Variants in IQSEC1 observed in about 807,000 individuals in gnomAD.
IQSEC1 encodes the protein IQ motif and SEC7 domain-containing protein 1.
A neutral mutation model predicts 91.0 loss-of-function variants in IQSEC1; 31 were observed. The observed-to-expected ratio is 0.34, with a 90% confidence interval of 0.26 to 0.46. The LOEUF (loss-of-function observed/expected upper bound fraction) is 0.46. Ranked by LOEUF, IQSEC1 falls within the 20% of genes least tolerant of loss-of-function variation. IQSEC1 has a pLI of 1.00. For synonymous variants in IQSEC1, 699 were observed against 662.6 expected, an observed-to-expected ratio of 1.05 and a Z score of -0.84; for missense variants, 1,388 against 1,575.6, an observed-to-expected ratio of 0.88 and a Z score of 2.02.
At chr3:13,149,058 C>T (rs556229480) in intron 2 of IQSEC1, among the ~76,000 whole-genome samples, 2 of 152,342 alleles carry the variant, frequency 1.3e-5, no homozygotes, top group East Asian at 1.9e-4. Context: ...ACCAGCCCCT[C>T]GCCTCCCCTT....
In IQSEC1 at chr3:13,207,003, T is replaced by A. The variant is rs1694356862; in HGVS notation, c.273-42870A>T. On this transcript the variant is annotated intron_variant, in intron 1 of 15. Coordinates refer to the IQSEC1 transcript ENST00000648114. This position sits in a 1 kb window ranked among gnomAD's most constrained non-coding sequence, Gnocchi z 4.8. Reference sequence around the variant, plus strand: ...CTCCCGGCACCTCCCGCCTCCTGGTTAGCCACACCTGGACTGGTCATTTCC... The same window carrying A: ...CTCCCGGCACCTCCCGCCTCCTGGTAAGCCACACCTGGACTGGTCATTTCC... 6.6e-6 allele frequency among the ~76,000 whole-genome samples: 1 copy of A among 152,056 alleles called. No homozygotes were observed. The highest frequency in any genetic ancestry group is 2.4e-5 in the African/African-American group (1 of 41,394).
intron 12 of IQSEC1, among the ~76,000 whole-genome samples, chr3:12,904,193 T>G (rs943349943): frequency 2.6e-5 from 4 of 152,238 alleles, no homozygotes; most frequent in African/African-American, 9.6e-5. Flanking sequence ...GGCTGTGCCT[T>G]GGCATGGCTT....
intron 1 of IQSEC1, among the ~76,000 whole-genome samples, chr3:13,011,759 A>G (rs1234941300): frequency 6.6e-6 from 1 of 152,108 alleles, no homozygotes; most frequent in Non-Finnish European, 1.5e-5. Context: ...GATTTGCTGT[A>G]TTTGCTTCCG....
At chr3:12,918,655 A>G (rs1008771566) in intron 6 of IQSEC1, among the ~76,000 whole-genome samples, 1 of 152,148 alleles carries the variant, frequency 6.6e-6, no homozygotes, top group Admixed American at 6.5e-5. Flanking sequence ...TACCTCTAGA[A>G]AAAATAAAAA....
chr3:13,019,527 C>T (rs528107945), intron 1 of IQSEC1, among the ~76,000 whole-genome samples: 5 of 152,298 alleles, frequency 3.3e-5, no homozygotes, highest in African/African-American at 1.2e-4. Flanking sequence ...CCCTGGCAGC[C>T]GAGGGGGCTG....
In IQSEC1 at chr3:13,244,653, C is replaced by T. The variant is rs576607420; in HGVS notation, c.272+38058G>A. 1.8e-4 allele frequency among the ~76,000 whole-genome samples: 27 copies of T among 152,302 alleles called. No individual in the cohort carries two copies. In the East Asian group the frequency reaches 2.1e-3, roughly 12 times the overall value. On this transcript the variant is annotated intron_variant, in intron 1 of 15. Coordinates refer to the IQSEC1 transcript ENST00000648114. ...CCAGCCCAGGCACTCCATACTGATC[C>T]CCACTCCCAGCCTCAGCAGCTGGGG...
chr3:13,025,564 G>A (rs1703581458), intron 1 of IQSEC1, among the ~76,000 whole-genome samples: 1 of 152,196 alleles, frequency 6.6e-6, no homozygotes, highest in South Asian at 2.1e-4. Context: ...CCTCTGTCTG[G>A]CCTCTAGGCC....
rs1465521895 is a variant in IQSEC1 at position 12,899,903 on chromosome 3, C to A, written c.*1080G>T. The A allele has an allele frequency of 4.1e-6, 4 of 984,562 alleles. No individual in the cohort carries two copies. Among genetic ancestry groups the A allele is most frequent in the Non-Finnish European group, 4.8e-6 (4 of 829,766 alleles). The allele number at this position is 984,562 out of a possible 1,614,324, so 61.0% of individuals were successfully genotyped here. ...TCATGTTGGAGATGAACACTTCTGCCGTGTATGGGTGCCCCTCTCGGAGGA... is the reference window on the plus strand; with the variant it reads ...TCATGTTGGAGATGAACACTTCTGCAGTGTATGGGTGCCCCTCTCGGAGGA... On this transcript the variant is annotated 3_prime_UTR_variant, in exon 14 of 14. Transcript: ENST00000613206.
intron 1 of IQSEC1, among the ~76,000 whole-genome samples, chr3:13,255,671 C>T (rs1055771725): frequency 6.6e-6 from 1 of 151,950 alleles, no homozygotes; most frequent in Non-Finnish European, 1.5e-5. Context: ...GGCTGAAGAG[C>T]AGCGGAGGGA....
intron 1 of IQSEC1, among the ~76,000 whole-genome samples, chr3:13,274,057 A>G (rs747694156): frequency 1.3e-5 from 2 of 152,214 alleles, no homozygotes; most frequent in Non-Finnish European, 2.9e-5. Flanking sequence ...GGGAGAAAGT[A>G]CAAGCAAATC....
intron 1 of IQSEC1, among the ~76,000 whole-genome samples, chr3:12,951,164 T>C (rs1335194870): frequency 6.6e-6 from 1 of 152,254 alleles, no homozygotes; most frequent in African/African-American, 2.4e-5. Context: ...GGCTAACGCC[T>C]GTAATCCCAG....
intron 1 of IQSEC1, among the ~76,000 whole-genome samples, chr3:13,007,446 G>A (rs1299209423): frequency 1.2e-4 from 18 of 152,286 alleles, no homozygotes; most frequent in Admixed American, 2.6e-4. Context: ...CCACTGCACC[G>A]GTCCACCCTC....
At chr3:12,925,626 G>A (rs970637866) in intron 3 of IQSEC1, among the ~76,000 whole-genome samples, 3 of 152,248 alleles carry the variant, frequency 2.0e-5, no homozygotes, top group African/African-American at 7.2e-5. Flanking sequence ...GGCCATGCAG[G>A]GCTGAGTGTG....
rs552198185 is a variant in IQSEC1, at chr3:13,267,402, T to C, written c.272+15309A>G. ...CCAGTTCAGTGGAGATAAAAGAAAC[T>C]ACATTTTACAATAAAAACAATCCAC... is the stretch of plus-strand genomic sequence containing the variant. On this transcript the variant is annotated intron_variant, in intron 1 of 15. Transcript: ENST00000648114. 2.6e-4 allele frequency among the ~76,000 whole-genome samples: 39 copies of C among 152,158 alleles called. No individual in the cohort carries two copies. The South Asian group carries it at 6.0e-3, about 24-fold the overall frequency.
At chr3:13,110,953 G>C (rs1035354162) in intron 2 of IQSEC1, among the ~76,000 whole-genome samples, 1 of 152,220 alleles carries the variant, frequency 6.6e-6, no homozygotes, top group African/African-American at 2.4e-5. Flanking sequence ...CGCACCAGCT[G>C]TCACCCCCAT....
At chr3:13,265,200 C>A (rs576313791) in intron 1 of IQSEC1, among the ~76,000 whole-genome samples, 1 of 152,196 alleles carries the variant, frequency 6.6e-6, no homozygotes, top group Non-Finnish European at 1.5e-5. Context: ...TCTTTCCCTG[C>A]GAGATCCCTG....
chr3:12,999,991 A>G (rs946191954), intron 1 of IQSEC1, among the ~76,000 whole-genome samples: 1 of 152,234 alleles, frequency 6.6e-6, no homozygotes, highest in Admixed American at 6.5e-5. Context: ...CTCCCTGCTT[A>G]GCTCTATCTT....
In IQSEC1 at chr3:12,924,775, G is replaced by A. The variant is rs372273860; in HGVS notation, c.1569-33C>T. The A allele has an allele frequency of 7.9e-6, 12 of 1,514,660 alleles. No homozygotes were observed. The African/African-American group carries it at 1.5e-4, about 19-fold the overall frequency. The allele number at this position is 1,514,660 out of a possible 1,614,324, so 93.8% of individuals were successfully genotyped here. ...AGGACGAGAGGCACACTCAGTCCCA[G>A]CTGCCCGGCCACCAGCCAGGCACCT... On this transcript the variant is annotated intron_variant, in intron 3 of 13. Transcript: ENST00000613206. This position sits in a 1 kb window ranked among gnomAD's most constrained non-coding sequence, Gnocchi z 6.3.
intron 2 of IQSEC1, among the ~76,000 whole-genome samples, chr3:13,120,575 A>T (rs771556047): frequency 2.6e-5 from 4 of 152,220 alleles, no homozygotes; most frequent in Non-Finnish European, 5.9e-5. Flanking sequence ...AGCTGCTCAC[A>T]GTCTAGAGGG....
Sources: allele counts gnomAD v4.1 joint callset (sites outside exome capture counted in the v4.1 genomes callset), GRCh38; gene constraint gnomAD v4.1.1; non-coding constraint Gnocchi (gnomAD v3.1); transcripts MANE v1.5; gene names NCBI Gene and HGNC (gene_info 2026-07-23, HGNC 2026-07-21).